Variants in CSMD1 observed in about 807,000 individuals in gnomAD.
CSMD1 encodes CUB and Sushi multiple domains 1, also known as CUB and sushi domain-containing protein 1.
In CSMD1, 213 loss-of-function variants were observed where a neutral mutation model predicts 417.5. The observed-to-expected ratio is 0.51, with a 90% CI of 0.46 to 0.57. CSMD1 has a LOEUF of 0.57. CSMD1 is among the 20% of genes least tolerant of loss of function. The pLI, the probability that CSMD1 is intolerant of heterozygous loss-of-function variation, is 0.00. For missense variants in CSMD1, 6,923 were observed against 4,529.7 expected, an observed-to-expected ratio of 1.53 and a Z score of -15.17; for synonymous variants, 2,862 against 1,736.8, an observed-to-expected ratio of 1.65 and a Z score of -16.11.
rs542356987 is a variant in CSMD1 at position 4,045,515 on chromosome 8, C to T, written c.416-13416G>A. ...GTTGGGGGAAGACCAGATCCAGGGACATCATGGGGCCCTGTGGGCAGCAGA... is the reference window on the plus strand; with the variant it reads ...GTTGGGGGAAGACCAGATCCAGGGATATCATGGGGCCCTGTGGGCAGCAGA... On this transcript the variant is annotated intron_variant, in intron 3 of 69. Coordinates refer to ENST00000635120, the MANE Select transcript of CSMD1 (RefSeq NM_033225.6). Among the ~76,000 whole-genome samples, 7 of 152,278 alleles carry T rather than the reference C, an allele frequency of 4.6e-5. No individual in the cohort carries two copies. In the South Asian group the frequency reaches 8.3e-4, roughly 18 times the overall value.
chr8:4,010,965 C>T (rs1286039546), intron 4 of CSMD1, among the ~76,000 whole-genome samples: 2 of 152,182 alleles, frequency 1.3e-5, no homozygotes, highest in South Asian at 2.1e-4. Context: ...AATCCCGCTT[C>T]ACTTTCTGTA....
chr8:4,395,757 TA>T (rs149515783), intron 3 of CSMD1, among the ~76,000 whole-genome samples: 11 of 151,058 alleles, frequency 7.3e-5, no homozygotes, highest in East Asian at 3.9e-4. Flanking sequence ...TAAGCATTTG[TA>T]AAAAAAAATG....
At chr8:3,843,274 GTTGT>G (rs1317136124) in intron 5 of CSMD1, among the ~76,000 whole-genome samples, 17 of 151,960 alleles carry the variant, frequency 1.1e-4, no homozygotes, top group African/African-American at 4.1e-4. Context: ...AAATACTTTC[GTTGT>G]TTGTTAATGA....
chr8:4,292,604 T>C (rs1179094424), intron 3 of CSMD1, among the ~76,000 whole-genome samples: 2 of 152,160 alleles, frequency 1.3e-5, no homozygotes, highest in Admixed American at 6.5e-5. Context: ...ATAAGATTAA[T>C]ACATGTAAAC....
chr8:4,407,989 A>T (rs1796421473), intron 3 of CSMD1, among the ~76,000 whole-genome samples: 3 of 152,160 alleles, frequency 2.0e-5, no homozygotes, highest in Admixed American at 2.0e-4. Context: ...ATCACAGGAG[A>T]AAACTGCAAG....
In CSMD1 at chr8:4,872,085, C is replaced by A. The variant is rs77954262; in HGVS notation, c.85+122247G>T. Among the ~76,000 whole-genome samples, 1,478 of 152,188 alleles carry A rather than the reference C, an allele frequency of 9.7e-3. 35 individuals are homozygous for A. Among genetic ancestry groups the A allele is most frequent in the African/African-American group, 0.034 (1,429 of 41,468 alleles). ...TGCAAATTCCCTAGTATGTGTCAGG[C>A]TCTGTTGTCACTGCTTTAAATATAT... On this transcript the variant is annotated intron_variant, in intron 1 of 69. Coordinates refer to ENST00000635120, the MANE Select transcript of CSMD1 (RefSeq NM_033225.6).
At chr8:4,286,580 G>C (rs1445208593) in intron 3 of CSMD1, among the ~76,000 whole-genome samples, 1 of 152,066 alleles carries the variant, frequency 6.6e-6, no homozygotes, top group Non-Finnish European at 1.5e-5. Flanking sequence ...CCCAAAACCA[G>C]CACCTGATAG....
intron 3 of CSMD1, among the ~76,000 whole-genome samples, chr8:4,091,081 G>A (rs1291217605): frequency 1.3e-5 from 2 of 151,830 alleles, no homozygotes; most frequent in Admixed American, 6.6e-5. Context: ...ACAATGCCCA[G>A]CTAATTTTTG....
chr8:4,661,718 G>C (rs1396607504), intron 1 of CSMD1, among the ~76,000 whole-genome samples: 1 of 152,048 alleles, frequency 6.6e-6, no homozygotes, highest in African/African-American at 2.4e-5. Flanking sequence ...AAAATAAAAA[G>C]TTTAATTTCA....
chr8:3,981,997 C>G (rs1300982970), intron 5 of CSMD1, among the ~76,000 whole-genome samples: 1 of 151,820 alleles, frequency 6.6e-6, no homozygotes, highest in Non-Finnish European at 1.5e-5. Context: ...CGGTGAAACC[C>G]CGTCTCTACT....
intron 51 of CSMD1, among the ~76,000 whole-genome samples, chr8:3,021,820 C>T (rs1414896021): frequency 6.6e-6 from 1 of 150,854 alleles, no homozygotes; most frequent in Non-Finnish European, 1.5e-5. Flanking sequence ...CGCAATCCCA[C>T]AGCATCCGGA....
At position 3,789,296 on chromosome 8, in the gene CSMD1, G is replaced by C. The variant is rs561211043; in HGVS notation, c.819-35254C>G. On this transcript the variant is annotated intron_variant, in intron 5 of 69. Coordinates refer to ENST00000635120, the MANE Select transcript of CSMD1 (RefSeq NM_033225.6). ...TGAACTGTTGTTTTCAAGCTTCCCA[G>C]TTTATATTTATTGTGACAGCCCCAA... Among the ~76,000 whole-genome samples, 3 of 150,972 alleles carry C rather than the reference G, an allele frequency of 2.0e-5. No individual in the cohort carries two copies. In the South Asian group the frequency reaches 6.3e-4, roughly 32 times the overall value.
intron 3 of CSMD1, among the ~76,000 whole-genome samples, chr8:4,094,579 G>A (rs528499711): frequency 1.2e-4 from 18 of 152,140 alleles, no homozygotes; most frequent in Admixed American, 1.1e-3. Flanking sequence ...AAATAGTAAT[G>A]GAGCACCGTG....
At chr8:3,038,604 G>C (rs753693744) in intron 50 of CSMD1, among the ~76,000 whole-genome samples, 1 of 151,784 alleles carries the variant, frequency 6.6e-6, no homozygotes, top group African/African-American at 2.4e-5. Flanking sequence ...TGCTTTTCGA[G>C]GTCATGGTTT....
intron 3 of CSMD1, among the ~76,000 whole-genome samples, chr8:4,293,092 C>T (rs181972340): frequency 1.2e-4 from 19 of 152,226 alleles, no homozygotes; most frequent in African/African-American, 4.3e-4. Flanking sequence ...ACTGCACATG[C>T]GGAAACAGCA....
At chr8:3,638,128 C>A (rs13254692) in intron 7 of CSMD1, among the ~76,000 whole-genome samples, 2,720 of 152,258 alleles carry the variant, frequency 0.018, 37 homozygotes, top group Non-Finnish European at 0.028. Context: ...CAGGTTGAGT[C>A]TTAAACGTAA....
chr8:4,282,045 T>G (rs1401775355), intron 3 of CSMD1, among the ~76,000 whole-genome samples: 1 of 152,228 alleles, frequency 6.6e-6, no homozygotes, highest in Non-Finnish European at 1.5e-5. Flanking sequence ...TATAAACACT[T>G]TCCCTGGGTT....
At chr8:3,338,367 C>G (rs1375884255) in intron 23 of CSMD1, among the ~76,000 whole-genome samples, 1 of 152,070 alleles carries the variant, frequency 6.6e-6, no homozygotes, top group African/African-American at 2.4e-5. Context: ...TAGACCCTGA[C>G]CAAGTACATA....
intron 3 of CSMD1, among the ~76,000 whole-genome samples, chr8:4,223,579 G>C (rs1343238054): frequency 6.6e-6 from 1 of 152,232 alleles, no homozygotes; most frequent in African/African-American, 2.4e-5. Flanking sequence ...TGTGTCACCT[G>C]AATGTTCATC....
Sources: gnomAD v4.1 joint callset for allele counts (sites outside exome capture counted in the v4.1 genomes callset) on GRCh38, gnomAD v4.1.1 for gene constraint, MANE v1.5 for transcripts, NCBI Gene and HGNC (gene_info 2026-07-23, HGNC 2026-07-21) for gene names.